CNTRL: variants seen among roughly 807,000 people sequenced by gnomAD.
The protein encoded by CNTRL is centriolin.
A neutral mutation model predicts 303.7 loss-of-function variants in CNTRL; 233 were observed. That is an observed-to-expected ratio of 0.77 (90% CI 0.69 to 0.86). CNTRL has a LOEUF of 0.86. Among genes scored for constraint, CNTRL ranks in the 40% least tolerant of loss-of-function variants. CNTRL has a pLI of 0.00. For synonymous variants in CNTRL, 900 were observed against 922.2 expected (o/e 0.98, Z 0.44); for missense variants, 2,524 against 2,650.6 (o/e 0.95, Z 1.05).
intron 13 of CNTRL, among the ~76,000 whole-genome samples, 186 bp from the exon 14 acceptor site, chr9:121,125,530 T>C (rs2050469446): frequency 6.6e-6 from 1 of 152,182 alleles, no homozygotes; most frequent in African/African-American, 2.4e-5. Context: ...ATTTTTATTT[T>C]ATACCTGCTT....
At chr9:121,082,280 A>G (rs952753433) in intron 2 of CNTRL, among the ~76,000 whole-genome samples, 3 of 152,188 alleles carry the variant, frequency 2.0e-5, no homozygotes, top group Non-Finnish European at 4.4e-5. Context: ...TTATTTGAAC[A>G]TGGTACGATC....
intron 16 of CNTRL, 139 bp from the exon 17 acceptor site, chr9:121,140,502 G>T (rs1051410838): frequency 3.0e-6 from 2 of 677,632 alleles, no homozygotes; most frequent in Non-Finnish European, 4.5e-6. Context: ...TAATCATACG[G>T]AAATTTTAGA....
intron 4 of CNTRL, 98 bp downstream of exon 4, chr9:121,090,503 G>A: frequency 2.6e-6 from 3 of 1,144,550 alleles, no homozygotes; most frequent in Middle Eastern, 3.0e-4. Flanking sequence ...CTAATTTGTG[G>A]CAGACCTTTT....
At chr9:121,154,305 T>A (rs1455367434) in intron 26 of CNTRL, among the ~76,000 whole-genome samples, 1 of 152,162 alleles carries the variant, frequency 6.6e-6, no homozygotes, top group Non-Finnish European at 1.5e-5. Context: ...ATGGAATAAA[T>A]CACAAAATCA....
At chr9:121,157,902 C>T (rs1199592075) in intron 29 of CNTRL, 22 bp downstream of exon 29, 1 of 1,613,542 alleles carries the variant, frequency 6.2e-7, no homozygotes, top group Non-Finnish European at 8.5e-7. Flanking sequence ...CTCTGTAGGG[C>T]TACAAGGGGT....
In CNTRL at chr9:121,099,288, A is replaced by G. The variant is rs182869070; in HGVS notation, c.808+716A>G. Among the ~76,000 whole-genome samples, 608 of 152,306 alleles carry G rather than the reference A, an allele frequency of 4.0e-3. 1 individual carries two copies. Among genetic ancestry groups the G allele is most frequent in the Non-Finnish European group, 6.4e-3 (437 of 68,022 alleles). On this transcript the variant is annotated intron_variant, in intron 7 of 43. Transcript: ENST00000373855. ...CTCCACTGGTGATACCCAGGCAAAC[A>G]GGGTCTGGAGTGGACCTCCAGCGAA...
Position 121,107,961 on chromosome 9 carries a change from A to T in CNTRL, c.968A>T (p.Glu323Val), listed in dbSNP as rs759104568. ...EAMLQKQSCE[E>V]LKSDLNTKNE... ...ATGTTACAGAAACAGAGCTGTGAGG[A>T]ACTCAAGAGTGACTTAAACACAAAA... Residue 323 changes from glutamate (E) to valine (V), a missense_variant, in exon 8 of 44, where the codon GAA becomes GTA. Physicochemically the swap from Glu to Val is moderately radical, Grantham distance 121. Coordinates refer to ENST00000373855, the MANE Select transcript of CNTRL (RefSeq NM_007018.6). The T allele has an allele frequency of 2.5e-6, 4 of 1,587,282 alleles. No individual in the cohort carries two copies. In the South Asian group the frequency reaches 4.6e-5, roughly 18 times the overall value.
At chr9:121,157,174 T>C (rs2052615975) in intron 27 of CNTRL, among the ~76,000 whole-genome samples, 1 of 152,238 alleles carries the variant, frequency 6.6e-6, no homozygotes, top group South Asian at 2.1e-4. Context: ...CATTCTTCCG[T>C]GTTGCTACAT....
chr9:121,152,359 G>C, intron 25 of CNTRL, 126 bp from the exon 26 acceptor site: 1 of 692,924 alleles, frequency 1.4e-6, no homozygotes, highest in East Asian at 2.6e-5. Context: ...CAAAGTCTTA[G>C]AATCTACCAT....
Position 121,143,398 on chromosome 9 carries a change from C to T in CNTRL, c.2872-505C>T, listed in dbSNP as rs2051637139. ...CTCATGACCCTGCTCCCCAGAGCAG[C>T]CAAGATGCTCTTTCTGAAATGTCAA... On this transcript the variant is annotated intron_variant, in intron 19 of 43. Transcript: ENST00000373855. Among the ~76,000 whole-genome samples, 2 of 152,194 alleles carry T rather than the reference C, an allele frequency of 1.3e-5. 1 individual carries two copies. Among genetic ancestry groups the T allele is most frequent in the South Asian group, 4.1e-4 (2 of 4,828 alleles).
chr9:121,083,446 G>C (rs556936438), intron 2 of CNTRL, among the ~76,000 whole-genome samples: 124 of 152,116 alleles, frequency 8.2e-4, no homozygotes, highest in African/African-American at 2.7e-3. Flanking sequence ...GGCCTGTAAG[G>C]GTCAGGATCA....
chr9:121,141,844 T>TG (rs2051533514), intron 18 of CNTRL, among the ~76,000 whole-genome samples: 1 of 152,222 alleles, frequency 6.6e-6, no homozygotes, highest in Non-Finnish European at 1.5e-5. Context: ...AGGTAAATAA[T>TG]GCCACATTCC....
chr9:121,127,052 T>A (rs1177691334), intron 14 of CNTRL, among the ~76,000 whole-genome samples: 1 of 152,148 alleles, frequency 6.6e-6, no homozygotes, highest in Non-Finnish European at 1.5e-5. Flanking sequence ...ACTCCCGACC[T>A]CAGGTGATCC....
rs546188520 is a variant in CNTRL, at chr9:121,085,226, G to A, written c.-31-3070G>A. Reference sequence around the variant, plus strand: ...CAAAAATCTCTGGTGTTGGAAGTCAGGATGGTGATTCCCCATGTGTGGGAG... The same window carrying A: ...CAAAAATCTCTGGTGTTGGAAGTCAAGATGGTGATTCCCCATGTGTGGGAG... On this transcript the variant is annotated intron_variant, in intron 2 of 43. Coordinates refer to ENST00000373855, the MANE Select transcript of CNTRL (RefSeq NM_007018.6). 5.9e-5 allele frequency among the ~76,000 whole-genome samples: 9 copies of A among 152,312 alleles called. No individual in the cohort carries two copies. In the South Asian group the frequency reaches 1.9e-3, roughly 32 times the overall value.
At chr9:121,123,624 AAGAG>A (rs758620433) in intron 12 of CNTRL, among the ~76,000 whole-genome samples, 13 of 151,940 alleles carry the variant, frequency 8.6e-5, no homozygotes, top group East Asian at 5.8e-4. Context: ...ATAAATAAAA[AAGAG>A]AGAGAGAGAC....
chr9:121,134,435 C>T (rs908708541), intron 14 of CNTRL, among the ~76,000 whole-genome samples: 1 of 152,050 alleles, frequency 6.6e-6, no homozygotes, highest in African/African-American at 2.4e-5. Flanking sequence ...GGACTACAGG[C>T]GTGTGCCACC....
rs1459721796 is a variant in CNTRL, at chr9:121,177,464, A to T, written c.*278A>T. On this transcript the variant is annotated 3_prime_UTR_variant, in exon 44 of 44. Coordinates refer to ENST00000373855, the MANE Select transcript of CNTRL (RefSeq NM_007018.6). Reference sequence around the variant, plus strand: ...GTAACATGTTTAAAAAAAAACAGTGATTTTAACTGCATATTTGAACCTACA... The same window carrying T: ...GTAACATGTTTAAAAAAAAACAGTGTTTTTAACTGCATATTTGAACCTACA... The T allele has an allele frequency of 5.5e-6, 2 of 361,278 alleles. No individual in the cohort carries two copies. The highest frequency in any genetic ancestry group is 4.2e-5 in the African/African-American group (2 of 47,670). The allele number at this position is 361,278 out of a possible 1,614,324, so 22.4% of individuals were successfully genotyped here.
chr9:121,148,898 G>A lies in CNTRL; in HGVS notation c.3649+37G>A, dbSNP rs747905372. On this transcript the variant is annotated intron_variant, in intron 24 of 43. Coordinates refer to ENST00000373855, the MANE Select transcript of CNTRL (RefSeq NM_007018.6). Reference sequence around the variant, plus strand: ...CACATAGGAAAGTTGCATTTCTCTTGCCCGTTTAATAACCTTTTACTGATT... The same window carrying A: ...CACATAGGAAAGTTGCATTTCTCTTACCCGTTTAATAACCTTTTACTGATT... 3 of 1,580,542 alleles carry A rather than the reference G, an allele frequency of 1.9e-6. No individual in the cohort carries two copies. The African/African-American group carries it at 4.0e-5, about 21-fold the overall frequency.
chr9:121,103,330 A>G (rs2049280007), intron 7 of CNTRL, among the ~76,000 whole-genome samples: 1 of 152,246 alleles, frequency 6.6e-6, no homozygotes, highest in South Asian at 2.1e-4. Context: ...TGGTGATGGG[A>G]AAACTGGCTA....
Sources: allele counts gnomAD v4.1 joint callset (sites outside exome capture counted in the v4.1 genomes callset), GRCh38; gene constraint gnomAD v4.1.1; transcripts MANE v1.5; gene names NCBI Gene and HGNC (gene_info 2026-07-23, HGNC 2026-07-21).